PARVA: variants seen among roughly 807,000 people sequenced by gnomAD.
The protein encoded by PARVA is parvin alpha.
In PARVA, 25 loss-of-function variants were observed where a neutral mutation model predicts 52.6. That is an observed-to-expected ratio of 0.48 (90% CI 0.35 to 0.66). PARVA has a LOEUF of 0.66. Among genes scored for constraint, PARVA ranks in the 30% least tolerant of loss-of-function variants. PARVA has a pLI of 0.01. For synonymous variants in PARVA, 185 were observed against 179.1 expected (o/e 1.03, Z -0.26); for missense variants, 373 against 450.9 (o/e 0.83, Z 1.56).
intron 1 of PARVA, among the ~76,000 whole-genome samples, chr11:12,384,552 A>T (rs146677483): frequency 6.6e-6 from 1 of 152,288 alleles, no homozygotes; most frequent in Non-Finnish European, 1.5e-5. Context: ...AGAGAAATAG[A>T]GGGTTGTGGT....
intron 4 of PARVA, among the ~76,000 whole-genome samples, chr11:12,488,256 A>G (rs1465505205): frequency 6.6e-6 from 1 of 152,158 alleles, no homozygotes; most frequent in African/African-American, 2.4e-5. Flanking sequence ...AAGAAAATAG[A>G]TTTTCATTTT....
At chr11:12,456,154 T>C (rs560376920) in intron 1 of PARVA, among the ~76,000 whole-genome samples, 170 of 152,258 alleles carry the variant, frequency 1.1e-3, no homozygotes, top group African/African-American at 3.9e-3. Flanking sequence ...AGTCCTTCCC[T>C]CCCTCCCAGT....
At chr11:12,450,918 A>AG (rs1297265578) in intron 1 of PARVA, among the ~76,000 whole-genome samples, 2 of 152,198 alleles carry the variant, frequency 1.3e-5, no homozygotes, top group Non-Finnish European at 1.5e-5. Context: ...ACCCAGACTG[A>AG]GGGCAGGTCT....
chr11:12,378,211 G>C (rs1181160841), intron 1 of PARVA, among the ~76,000 whole-genome samples: 3 of 152,164 alleles, frequency 2.0e-5, no homozygotes, highest in African/African-American at 7.2e-5. Context: ...CAGCTTTCCT[G>C]GGCGCCGTCG....
At chr11:12,425,848 C>T (rs1196972560) in intron 1 of PARVA, among the ~76,000 whole-genome samples, 4 of 152,190 alleles carry the variant, frequency 2.6e-5, no homozygotes, top group African/African-American at 4.8e-5. Context: ...ATTCTTACTT[C>T]GTTACCAGGC....
chr11:12,527,752 T>C, intron 12 of PARVA, 97 bp from the exon 13 acceptor site: 1 of 894,254 alleles, frequency 1.1e-6, no homozygotes, highest in Non-Finnish European at 1.9e-6. Flanking sequence ...GCTGGGTACA[T>C]GGGATTGGGT....
At chr11:12,506,660 G>A (rs1049623853) in intron 6 of PARVA, among the ~76,000 whole-genome samples, 5 of 152,222 alleles carry the variant, frequency 3.3e-5, no homozygotes, top group Non-Finnish European at 7.3e-5. Flanking sequence ...TTGTTAGCAT[G>A]AGGGAGAAAA....
At chr11:12,396,982 G>A (rs1432945056) in intron 1 of PARVA, among the ~76,000 whole-genome samples, 1 of 127,254 alleles carries the variant, frequency 7.9e-6, no homozygotes, top group Non-Finnish European at 1.7e-5. Flanking sequence ...TTCCTTTCAT[G>A]TACTTGTTTT....
intron 12 of PARVA, among the ~76,000 whole-genome samples, chr11:12,521,199 C>T (rs1423079636): frequency 6.6e-6 from 1 of 152,120 alleles, no homozygotes; most frequent in Non-Finnish European, 1.5e-5. Flanking sequence ...AGATGGCAAG[C>T]AATGCTGAAA....
At chr11:12,510,293 C>T (rs769184796) in intron 7 of PARVA, among the ~76,000 whole-genome samples, 2 of 152,110 alleles carry the variant, frequency 1.3e-5, no homozygotes, top group Non-Finnish European at 2.9e-5. Flanking sequence ...GACAGGTGTG[C>T]TGATGGATAA....
intron 1 of PARVA, among the ~76,000 whole-genome samples, chr11:12,425,656 T>C (rs1379517436): frequency 2.0e-5 from 3 of 152,346 alleles, no homozygotes; most frequent in African/African-American, 7.2e-5. Context: ...TGTCATATTA[T>C]CTAGTTACCT....
Position 12,504,778 on chromosome 11 carries a change from T to TGTGG in PARVA, c.657+352_657+353insGGTG, listed in dbSNP as rs1160821653. Among the ~76,000 whole-genome samples the TGTGG allele has an allele frequency of 2.0e-3, 295 of 151,152 alleles. 2 individuals carry two copies. The highest frequency in any genetic ancestry group is 6.8e-3 in the African/African-American group (277 of 40,978). On this transcript the variant is annotated intron_variant, in intron 6 of 12. Transcript: ENST00000334956. ...GGTCAGGAGGAAAGGTATGTGGGTG[T>TGTGG]GTGTGTGTGTGTGTGAGTTTGTGTA...
intron 4 of PARVA, among the ~76,000 whole-genome samples, chr11:12,493,895 C>T (rs1012190794): frequency 6.6e-6 from 1 of 152,212 alleles, no homozygotes; most frequent in Admixed American, 6.5e-5. Flanking sequence ...ACAGCCCTCA[C>T]AGGTTAAGGG....
intron 1 of PARVA, among the ~76,000 whole-genome samples, chr11:12,381,486 A>T (rs1939485719): frequency 6.6e-6 from 1 of 152,186 alleles, no homozygotes; most frequent in South Asian, 2.1e-4. Flanking sequence ...GACACAACAA[A>T]TGGAAAGATA....
intron 1 of PARVA, among the ~76,000 whole-genome samples, chr11:12,460,842 G>A (rs139105209): frequency 2.0e-5 from 3 of 152,264 alleles, no homozygotes; most frequent in Non-Finnish European, 2.9e-5. Context: ...GCATGAAGAC[G>A]AAGGCCAGTG....
At chr11:12,459,098 G>A (rs1472025267) in intron 1 of PARVA, among the ~76,000 whole-genome samples, 1 of 152,146 alleles carries the variant, frequency 6.6e-6, no homozygotes, top group Admixed American at 6.5e-5. Flanking sequence ...AAGTTTTCCG[G>A]ATGTTGGCTT....
At chr11:12,515,494 A>G (rs1941556871) in intron 10 of PARVA, among the ~76,000 whole-genome samples, 1 of 152,176 alleles carries the variant, frequency 6.6e-6, no homozygotes, top group Non-Finnish European at 1.5e-5. Context: ...GTGCTATGAC[A>G]GGGGTCACTG....
At chr11:12,446,664 C>T (rs528778491) in intron 1 of PARVA, among the ~76,000 whole-genome samples, 12 of 152,286 alleles carry the variant, frequency 7.9e-5, no homozygotes, top group East Asian at 7.7e-4. Context: ...GAGAGATACA[C>T]TTTAAATATT....
intron 1 of PARVA, among the ~76,000 whole-genome samples, chr11:12,472,687 T>TA (rs954012971): frequency 6.6e-6 from 1 of 151,890 alleles, no homozygotes; most frequent in African/African-American, 2.4e-5. Context: ...CCAGAGTCAA[T>TA]AAAAAAAATA....
Sources: gnomAD v4.1 joint callset for allele counts (sites outside exome capture counted in the v4.1 genomes callset) on GRCh38, gnomAD v4.1.1 for gene constraint, MANE v1.5 for transcripts, NCBI Gene and HGNC (gene_info 2026-07-23, HGNC 2026-07-21) for gene names.